Variants in EEA1 observed in about 807,000 individuals in gnomAD.
The protein encoded by EEA1 is early endosome antigen 1.
EEA1 carries 111 observed loss-of-function variants against 209.2 expected under a neutral mutation model. That is an observed-to-expected ratio of 0.53 (90% CI 0.45 to 0.62). EEA1 has a LOEUF of 0.62. EEA1 is among the 20% of genes least tolerant of loss of function. The pLI is 0.00. For synonymous variants in EEA1, 536 were observed against 540.6 expected, an observed-to-expected ratio of 0.99 and a Z score of 0.12; for missense variants, 1,343 against 1,530.8, an observed-to-expected ratio of 0.88 and a Z score of 2.05.
chr12:92,840,108 T>G (rs1337171876), intron 10 of EEA1, among the ~76,000 whole-genome samples: 1 of 152,174 alleles, frequency 6.6e-6, no homozygotes. Flanking sequence ...TTCTCTTTAT[T>G]CCCTTATGCC....
intron 19 of EEA1, 116 bp from the exon 20 acceptor site, chr12:92,801,817 A>C: frequency 1.7e-6 from 1 of 602,960 alleles, no homozygotes; most frequent in Non-Finnish European, 2.6e-6. Flanking sequence ...ATGATGAGCT[A>C]AGATGAGACA....
intron 22 of EEA1, among the ~76,000 whole-genome samples, chr12:92,783,758 G>C (rs553560589): frequency 6.6e-6 from 1 of 152,242 alleles, no homozygotes; most frequent in African/African-American, 2.4e-5. Context: ...CTACTGCGAA[G>C]AATCAGCAGG....
chr12:92,795,810 AT>A (rs1401723455), intron 21 of EEA1, among the ~76,000 whole-genome samples: 2 of 151,996 alleles, frequency 1.3e-5, no homozygotes, highest in African/African-American at 4.8e-5. Flanking sequence ...GCACTTACAC[AT>A]TTTCTTTTCT....
intron 23 of EEA1, among the ~76,000 whole-genome samples, 193 bp from the exon 24 acceptor site, chr12:92,780,604 G>A (rs773868652): frequency 6.6e-6 from 1 of 152,088 alleles, no homozygotes; most frequent in African/African-American, 2.4e-5. Context: ...TAAAATAATT[G>A]TAAAGATTAA....
chr12:92,809,269 ATTTATTAT>A, intron 17 of EEA1, 113 bp from the exon 18 acceptor site: 3 of 701,852 alleles, frequency 4.3e-6, no homozygotes, highest in Non-Finnish European at 6.1e-6. Context: ...ACAAAAAAAA[ATTTATTAT>A]AATAAAAAAC....
intron 2 of EEA1, among the ~76,000 whole-genome samples, chr12:92,873,397 G>A (rs1979800): frequency 0.26 from 39,507 of 152,028 alleles, 5,626 homozygotes; most frequent in Non-Finnish European, 0.32. Flanking sequence ...AAGAAAGTTT[G>A]TGAAAGGATA....
chr12:92,843,027 T>C (rs1877235578), intron 9 of EEA1, among the ~76,000 whole-genome samples: 1 of 152,334 alleles, frequency 6.6e-6, no homozygotes, highest in African/African-American at 2.4e-5. Context: ...GTGAATCATC[T>C]TTCTAAATTG....
chr12:92,921,816 C>T (rs566648796), intron 1 of EEA1, among the ~76,000 whole-genome samples: 119 of 129,942 alleles, frequency 9.2e-4, no homozygotes, highest in Middle Eastern at 5.0e-3. Flanking sequence ...TGCAGTGAGC[C>T]GAGATCACAC....
chr12:92,832,761 A>T lies in EEA1; in HGVS notation c.1005T>A (p.Ile335=), dbSNP rs771482339. The T allele has an allele frequency of 1.2e-6, 2 of 1,613,820 alleles. No homozygotes were observed. The highest frequency in any genetic ancestry group is 2.7e-5 in the African/African-American group (2 of 74,928). Residue 335 remains isoleucine, a synonymous_variant, in exon 11 of 29, where the codon ATT becomes ATA. Transcript: ENST00000322349. ...GGTCTTTTTGATGAAGGGTTGCCTGAATATTCTTTTTACTCACAGATTCTT... is the reference window on the plus strand; with the variant it reads ...GGTCTTTTTGATGAAGGGTTGCCTGTATATTCTTTTTACTCACAGATTCTT... ...HNEESVSKKN[I]QATLHQKDLD...
intron 9 of EEA1, among the ~76,000 whole-genome samples, chr12:92,847,126 T>C (rs1334151654): frequency 1.3e-5 from 2 of 152,132 alleles, no homozygotes; most frequent in Non-Finnish European, 2.9e-5. Context: ...GGCTAATTTT[T>C]TGTATTTTTA....
At chr12:92,800,092 G>A (rs187982011) in intron 20 of EEA1, among the ~76,000 whole-genome samples, 8 of 152,002 alleles carry the variant, frequency 5.3e-5, no homozygotes, top group Admixed American at 5.2e-4. Context: ...CGTGGTGGCA[G>A]GCACCTGTAA....
chr12:92,880,186 G>A (rs929760990), intron 2 of EEA1, among the ~76,000 whole-genome samples: 29 of 152,172 alleles, frequency 1.9e-4, no homozygotes, highest in African/African-American at 6.3e-4. Flanking sequence ...CCCATAACCT[G>A]GGGCAAAATC....
At chr12:92,820,755 G>GTATATATATA (rs34228902) in intron 13 of EEA1, among the ~76,000 whole-genome samples, 3 of 147,686 alleles carry the variant, frequency 2.0e-5, no homozygotes, top group African/African-American at 7.5e-5. Context: ...AGAGCTTAAA[G>GTATATATATA]TATATATATA....
intron 1 of EEA1, among the ~76,000 whole-genome samples, chr12:92,901,805 A>C (rs1048524736): frequency 4.0e-5 from 6 of 151,716 alleles, no homozygotes; most frequent in African/African-American, 1.5e-4. Context: ...CTGACATCAG[A>C]TGATCCGCCC....
Position 92,832,970 on chromosome 12 carries a change from A to G in EEA1, c.916-120T>C, listed in dbSNP as rs1255067240. On this transcript the variant is annotated intron_variant, in intron 10 of 28. Transcript: ENST00000322349. Reference sequence around the variant, plus strand: ...TACATTTTAGTCAATATTAAAATATAAAACAGTGACAATGTTCTAGTCAAG... The same window carrying G: ...TACATTTTAGTCAATATTAAAATATGAAACAGTGACAATGTTCTAGTCAAG... 7.1e-6 allele frequency: 5 copies of G among 701,278 alleles called. 1 individual carries two copies. Among genetic ancestry groups the G allele is most frequent in the East Asian group, 5.7e-5 (2 of 35,180 alleles). The allele number at this position is 701,278 out of a possible 1,614,324, so 43.4% of individuals were successfully genotyped here. A position where few individuals can be genotyped will look rare whatever the true frequency, so the allele number is the denominator to read the frequency against.
chr12:92,806,856 C>G (rs968657241), intron 18 of EEA1, among the ~76,000 whole-genome samples: 3 of 151,976 alleles, frequency 2.0e-5, no homozygotes, highest in African/African-American at 7.3e-5. Flanking sequence ...CAGAATAAAA[C>G]AGAAAATCCA....
chr12:92,852,343 TTTA>T (rs761368258), intron 7 of EEA1, 47 bp from the exon 8 acceptor site: 19 of 1,379,848 alleles, frequency 1.4e-5, no homozygotes, highest in Non-Finnish European at 1.8e-5. Flanking sequence ...GGAGGACAGT[TTTA>T]TAAGTTTCCA....
chr12:92,871,952 C>T (rs1007760551), intron 2 of EEA1, among the ~76,000 whole-genome samples: 18 of 152,166 alleles, frequency 1.2e-4, no homozygotes, highest in African/African-American at 4.1e-4. Context: ...GCCATCTCAG[C>T]TCACTGCCAT....
chr12:92,788,626 T>C (rs1352793475), intron 21 of EEA1, among the ~76,000 whole-genome samples: 3 of 152,204 alleles, frequency 2.0e-5, no homozygotes, highest in African/African-American at 4.8e-5. Context: ...AATTATGACA[T>C]AGTTAAAACA....
Sources: gnomAD v4.1 joint callset for allele counts (sites outside exome capture counted in the v4.1 genomes callset) on GRCh38, gnomAD v4.1.1 for gene constraint, MANE v1.5 for transcripts, NCBI Gene and HGNC (gene_info 2026-07-23, HGNC 2026-07-21) for gene names.